Variants in UFM1 observed in about 807,000 individuals in gnomAD.
UFM1 encodes ubiquitin-fold modifier 1.
Under a neutral mutation model 15.4 loss-of-function variants are expected in UFM1, and 9 were observed. The ratio of observed to expected loss-of-function variants is 0.59; its 90% CI spans 0.35 to 1.02. UFM1 has a LOEUF of 1.02. Among genes scored for constraint, UFM1 ranks in the 50% least tolerant of loss-of-function variants. The probability of loss-of-function intolerance (pLI) is 0.02; values close to 1 mark genes in which losing one functional copy is unlikely to be tolerated. For synonymous variants in UFM1, 27 were observed against 36.3 expected (o/e 0.74, Z 0.92); for missense variants, 98 against 104.7 (o/e 0.94, Z 0.28).
Position 38,354,305 on chromosome 13 carries a change from A to G in UFM1, c.117+9A>G, listed in dbSNP as rs376938294. On this transcript the variant is annotated intron_variant, in intron 3 of 5. Transcript: ENST00000239878. ...AGTTTGCAGCAGAAGAAGTAAGTAC[A>G]GAAGTTGGAACAACCTTTATGGAAT... 2.5e-6 allele frequency: 4 copies of G among 1,607,248 alleles called. No individual in the cohort carries two copies. Among genetic ancestry groups the G allele is most frequent in the Non-Finnish European group, 3.4e-6 (4 of 1,175,538 alleles).
chr13:38,350,216 C>T (rs1476074546), intron 2 of UFM1, 161 bp downstream of exon 2: 2 of 1,611,062 alleles, frequency 1.2e-6, no homozygotes, highest in Admixed American at 1.7e-5. Context: ...CCACCGGAGC[C>T]TGCGAGGAGA....
chr13:38,350,744 G>A (rs1028828215), intron 2 of UFM1, among the ~76,000 whole-genome samples: 2 of 152,182 alleles, frequency 1.3e-5, no homozygotes, highest in Non-Finnish European at 2.9e-5. Context: ...AGCATGAAAT[G>A]TAGCAAAGAA....
chr13:38,356,842 A>G (rs1879122571), intron 3 of UFM1, among the ~76,000 whole-genome samples: 1 of 151,900 alleles, frequency 6.6e-6, no homozygotes, highest in Admixed American at 6.6e-5. Context: ...TTGATCACAA[A>G]ACTCAACTAT....
chr13:38,350,338 C>A, intron 2 of UFM1: 2 of 1,156,182 alleles, frequency 1.7e-6, no homozygotes, highest in Non-Finnish European at 2.5e-6. Flanking sequence ...GGGCAGGTGG[C>A]GCGGGAGGAC....
intron 2 of UFM1, among the ~76,000 whole-genome samples, chr13:38,353,448 A>G (rs1041227352): frequency 2.0e-5 from 3 of 152,084 alleles, no homozygotes; most frequent in Non-Finnish European, 2.9e-5. Flanking sequence ...ACTGTGTCTT[A>G]AAGTGTTTTC....
At chr13:38,350,106 G>C (rs373667763) in intron 2 of UFM1, 51 bp downstream of exon 2, 7 of 1,614,202 alleles carry the variant, frequency 4.3e-6, no homozygotes, top group Non-Finnish European at 4.2e-6. Context: ...AGACGGGGCT[G>C]GGTTGGGGAT....
intron 5 of UFM1, chr13:38,359,797 T>C (rs1288599115): frequency 6.1e-6 from 1 of 163,230 alleles, no homozygotes; most frequent in African/African-American, 2.4e-5. Context: ...GTTAAATTTA[T>C]ACAGGTGATA....
At position 38,349,939 on chromosome 13, in the gene UFM1, G is replaced by T. The variant is rs371532681; in HGVS notation, c.2+18G>T. On this transcript the variant is annotated intron_variant, in intron 1 of 5. Coordinates refer to ENST00000239878, the MANE Select transcript of UFM1 (RefSeq NM_016617.4). ...ACCACCATGTAAGTGTTTGCTTACC[G>T]ACTGCCATAATTCCTGGTCCAGCTG... The T allele has an allele frequency of 8.7e-6, 14 of 1,613,856 alleles. No homozygotes were observed. The South Asian group carries it at 1.2e-4, about 14-fold the overall frequency.
At position 38,362,964 on chromosome 13, in the gene UFM1, A is replaced by G. The variant is rs1292274401; in HGVS notation, c.*2186A>G. On this transcript the variant is annotated 3_prime_UTR_variant, in exon 6 of 6. Coordinates refer to ENST00000239878, the MANE Select transcript of UFM1 (RefSeq NM_016617.4). ...CAGTTTACATGCGTTATTGGTTTAT[A>G]ATTAATATCTAATGAAAATACATGT... 1 of 152,224 alleles carries G rather than the reference A, an allele frequency of 6.6e-6. No individual in the cohort carries two copies. The highest frequency in any genetic ancestry group is 2.4e-5 in the African/African-American group (1 of 41,462). 9.4% of individuals were successfully genotyped at this position (152,224 alleles called of 1,614,324 possible).
intron 4 of UFM1, 72 bp from the exon 5 acceptor site, chr13:38,359,229 C>T: frequency 6.7e-7 from 1 of 1,485,102 alleles, no homozygotes; most frequent in Non-Finnish European, 9.3e-7. Flanking sequence ...TTTGGCAAAT[C>T]TCTTTCCTTG....
intron 3 of UFM1, among the ~76,000 whole-genome samples, chr13:38,355,873 G>A (rs1879070768): frequency 6.6e-6 from 1 of 151,806 alleles, no homozygotes; most frequent in Non-Finnish European, 1.5e-5. Flanking sequence ...ACTCAAGAAA[G>A]CAAGAGTCTG....
Position 38,349,869 on chromosome 13 carries a change from G to C in UFM1, c.-51G>C. The C allele has an allele frequency of 1.2e-6, 2 of 1,614,140 alleles. No individual in the cohort carries two copies. The highest frequency in any genetic ancestry group is 1.7e-6 in the Non-Finnish European group (2 of 1,180,022). On this transcript the variant is annotated 5_prime_UTR_variant, in exon 1 of 6. Coordinates refer to ENST00000239878, the MANE Select transcript of UFM1 (RefSeq NM_016617.4). ...GGTCCCCAGCACACTAGAGGAAGTC[G>C]TGCTACCCCCGCGGAGTTGTCGTGT...
chr13:38,352,114 T>A (rs1270527898), intron 2 of UFM1, among the ~76,000 whole-genome samples: 2 of 150,162 alleles, frequency 1.3e-5, no homozygotes, highest in Non-Finnish European at 3.0e-5. Flanking sequence ...TTTTTTTTTT[T>A]TTTTTGTGAA....
intron 2 of UFM1, among the ~76,000 whole-genome samples, chr13:38,353,350 C>T (rs1482638348): frequency 6.6e-6 from 1 of 152,102 alleles, no homozygotes; most frequent in Non-Finnish European, 1.5e-5. Flanking sequence ...GTCTCCTCTG[C>T]TTTGAAAGAT....
At chr13:38,350,750 A>G (rs768286214) in intron 2 of UFM1, among the ~76,000 whole-genome samples, 1 of 152,184 alleles carries the variant, frequency 6.6e-6, no homozygotes, top group Non-Finnish European at 1.5e-5. Context: ...AAATGTAGCA[A>G]AGAACAGGAT....
chr13:38,354,331 G>T, intron 3 of UFM1, 35 bp downstream of exon 3: 1 of 1,585,776 alleles, frequency 6.3e-7, no homozygotes, highest in South Asian at 1.1e-5. Context: ...TTTATGGAAT[G>T]CGGTTTGCCA....
intron 4 of UFM1, among the ~76,000 whole-genome samples, chr13:38,358,420 A>G (rs76509260): frequency 1.6e-5 from 2 of 123,184 alleles, no homozygotes; most frequent in African/African-American, 6.1e-5. Context: ...TTTTTTTTTT[A>G]TTAAGTAAAG....
At chr13:38,359,415 A>C in intron 5 of UFM1, 82 bp downstream of exon 5, 1 of 1,457,888 alleles carries the variant, frequency 6.9e-7, no homozygotes, top group South Asian at 1.2e-5. Flanking sequence ...TTCTAATTAC[A>C]CTTGACAGTA....
At chr13:38,352,771 T>C (rs1460067006) in intron 2 of UFM1, among the ~76,000 whole-genome samples, 1 of 152,180 alleles carries the variant, frequency 6.6e-6, no homozygotes, top group Non-Finnish European at 1.5e-5. Flanking sequence ...AATATACAGA[T>C]AGAAACTTAT....
Sources: gnomAD v4.1 joint callset for allele counts (sites outside exome capture counted in the v4.1 genomes callset) on GRCh38, gnomAD v4.1.1 for gene constraint, MANE v1.5 for transcripts, NCBI Gene and HGNC (gene_info 2026-07-23, HGNC 2026-07-21) for gene names.